The following RNF213 variants were observed in gnomAD, a reference collection of about 807,000 sequenced individuals.
RNF213 encodes ring finger protein 213.
Under a neutral mutation model 514.4 loss-of-function variants are expected in RNF213, and 341 were observed. That is an observed-to-expected ratio of 0.66 (90% confidence interval 0.61 to 0.73). RNF213 has a LOEUF of 0.73. RNF213 is among the 30% of genes least tolerant of loss of function. RNF213 has a pLI of 0.00. For missense variants in RNF213, 5,767 were observed against 6,615.6 expected (o/e 0.87, Z 4.45); for synonymous variants, 2,655 against 2,658.2 (o/e 1.00, Z 0.04).
In RNF213 at chr17:80,294,865, C is replaced by A. The variant is rs200537097; in HGVS notation, c.1617C>A (p.Ser539Arg). The A allele has an allele frequency of 1.2e-4, 192 of 1,614,102 alleles. No individual in the cohort carries two copies. The highest frequency in any genetic ancestry group is 1.6e-4 in the Non-Finnish European group (186 of 1,180,056). Residue 539 changes from serine to arginine, a missense_variant, in exon 9 of 68, where the codon AGC (serine) becomes AGA (arginine). Physicochemically the swap from Ser to Arg is moderately radical, Grantham distance 110. This residue lies in a region of RNF213 where 592 missense variants were observed against 673.9 expected (regional missense o/e 0.88). Transcript: ENST00000582970. ...CGCTCATGCTGGACAGCACCTTCAGCATCCTGCAGACCTGGGACACCATCA... is the reference window on the plus strand; with the variant it reads ...CGCTCATGCTGGACAGCACCTTCAGAATCCTGCAGACCTGGGACACCATCA... ...AAALMLDSTF[S>R]ILQTWDTINL...
chr17:80,312,225 T>A (rs1244407716), intron 14 of RNF213, among the ~76,000 whole-genome samples: 1 of 152,142 alleles, frequency 6.6e-6, no homozygotes, highest in East Asian at 1.9e-4. Context: ...ACCCCTGACC[T>A]GTATGCTTCC....
rs768740459 is a variant in RNF213 at position 80,343,311 on chromosome 17, G to A, written c.6169G>A (p.Asp2057Asn). ...GAAGGTCCCCGTGCTCTTTCACCTG[G>A]ACGTGACCTCCTCAGTAAGTGCCCT... ...YQKVPVLFHL[D>N]VTSSVQTGIW... The change falls in exon 27 of 68, where the codon GAC becomes AAC. Residue 2057 changes from aspartate to asparagine, a missense_variant. Transcript: ENST00000582970. The surrounding 1 kb of genome is among the most constrained non-coding windows in gnomAD (Gnocchi z 4.3). 3.7e-6 allele frequency: 6 copies of A among 1,612,118 alleles called. No homozygotes were observed. The South Asian group carries it at 4.4e-5, about 12-fold the overall frequency.
At chr17:80,314,038 TGATGGTGGA>T (rs1158660135) in intron 15 of RNF213, among the ~76,000 whole-genome samples, 3 of 93,908 alleles carry the variant, frequency 3.2e-5, no homozygotes, top group African/African-American at 1.9e-4. Flanking sequence ...GTGGTGGTGG[TGATGGTGGA>T]GGTGGTGGAG....
chr17:80,263,570 G>A lies in RNF213; in HGVS notation c.-108-4G>A, dbSNP rs544263205. The A allele has an allele frequency of 4.5e-4, 410 of 914,994 alleles. No homozygotes were observed. The highest frequency in any genetic ancestry group is 6.5e-4 in the Non-Finnish European group (358 of 547,950). The allele number at this position is 914,994 out of a possible 1,614,324, so 56.7% of individuals were successfully genotyped here. A position where few individuals can be genotyped will look rare whatever the true frequency, so the allele number is the denominator to read the frequency against. On this transcript the variant is annotated splice_region_variant and splice_polypyrimidine_tract_variant and intron_variant, in intron 1 of 67. Transcript: ENST00000582970. This position sits in a 1 kb window ranked among gnomAD's most constrained non-coding sequence, Gnocchi z 4.9. ...GCTGGGCTGCTGTGATTTCACTTTC[G>A]CAGAAAATGAAACTGAAGCCGTGGT...
intron 11 of RNF213, chr17:80,298,722 T>G: frequency 1.7e-6 from 1 of 585,124 alleles, no homozygotes; most frequent in Non-Finnish European, 3.0e-6. Context: ...CCCAGCACTT[T>G]GGGAGGCTGA....
At chr17:80,326,339 A>G (rs1007607253) in intron 18 of RNF213, among the ~76,000 whole-genome samples, 1 of 152,226 alleles carries the variant, frequency 6.6e-6, no homozygotes, top group Non-Finnish European at 1.5e-5. Flanking sequence ...GTGTACAGAA[A>G]AATTGAGCAG....
intron 10 of RNF213, among the ~76,000 whole-genome samples, chr17:80,297,770 G>C (rs1174813368): frequency 1.4e-5 from 2 of 138,066 alleles, no homozygotes; most frequent in Non-Finnish European, 3.1e-5. Context: ...CTGGGCAACA[G>C]AGTGAGACTC....
intron 42 of RNF213, chr17:80,365,352 T>C (rs944643779): frequency 6.6e-6 from 1 of 152,498 alleles, no homozygotes; most frequent in Admixed American, 6.5e-5. Context: ...TATCAGCTGA[T>C]TTCCCACCCA....
chr17:80,269,384 C>CA (rs1598881890), intron 2 of RNF213, among the ~76,000 whole-genome samples: 1 of 150,444 alleles, frequency 6.6e-6, no homozygotes, highest in East Asian at 2.0e-4. Flanking sequence ...TCTATCTATC[C>CA]ACCTATCCAT....
Position 80,383,117 on chromosome 17 carries a change from G to T in RNF213, c.14070+47G>T, listed in dbSNP as rs368541533. ...CTGGGTTGCTCCTCGGTCCAGAAAG[G>T]AAGGGTCCCGGCGTCTGCTGAATGC... is the stretch of plus-strand genomic sequence containing the variant. On this transcript the variant is annotated intron_variant, in intron 58 of 67. Coordinates refer to ENST00000582970, the MANE Select transcript of RNF213 (RefSeq NM_001256071.3). The T allele has an allele frequency of 2.2e-4, 299 of 1,376,276 alleles. 2 individuals are homozygous for T. In the East Asian group the frequency reaches 5.4e-3, roughly 25 times the overall value. The allele number at this position is 1,376,276 out of a possible 1,614,324, so 85.3% of individuals were successfully genotyped here.
intron 50 of RNF213, 95 bp from the exon 51 acceptor site, chr17:80,375,665 T>C: frequency 1.2e-6 from 1 of 844,910 alleles, no homozygotes; most frequent in Non-Finnish European, 2.0e-6. Flanking sequence ...ATCATGCCAC[T>C]GCACTCCAGC....
intron 36 of RNF213, among the ~76,000 whole-genome samples, chr17:80,357,180 G>A (rs770730576): frequency 3.3e-5 from 5 of 152,078 alleles, no homozygotes; most frequent in Non-Finnish European, 7.4e-5. Context: ...GCCTCCCAAC[G>A]TGCTGGGATT....
At chr17:80,327,704 G>A in intron 18 of RNF213, 112 bp from the exon 19 acceptor site, 1 of 877,888 alleles carries the variant, frequency 1.1e-6, no homozygotes. Context: ...GCCATTGCCT[G>A]TGTTTGAGGA....
intron 3 of RNF213, 152 bp from the exon 4 acceptor site, chr17:80,287,663 C>T (rs1598923969): frequency 2.1e-4 from 89 of 433,046 alleles, no homozygotes; most frequent in South Asian, 4.1e-4. Flanking sequence ...TAATTTCATT[C>T]TTTCCAGGAA....
In RNF213 at chr17:80,328,313, G is replaced by C. The variant is rs371598729; in HGVS notation, c.3368-15G>C. 6.5e-7 allele frequency: 1 copy of C among 1,533,504 alleles called. No homozygotes were observed. The highest frequency in any genetic ancestry group is 1.4e-5 in the African/African-American group (1 of 72,970). 95.0% of individuals were successfully genotyped at this position (1,533,504 alleles called of 1,614,324 possible). ...TGCTGTATTGGGTTACTTTATTGGTGTTCTTATTTTCCAGGGGAAAAAAGT... is the reference window on the plus strand; with the variant it reads ...TGCTGTATTGGGTTACTTTATTGGTCTTCTTATTTTCCAGGGGAAAAAAGT... On this transcript the variant is annotated splice_polypyrimidine_tract_variant and intron_variant, in intron 19 of 67. Transcript: ENST00000582970.
chr17:80,292,238 C>G (rs12453330), intron 8 of RNF213, among the ~76,000 whole-genome samples: 25,473 of 152,074 alleles, frequency 0.17, 3,747 homozygotes, highest in African/African-American at 0.39. Flanking sequence ...GAGCCTGTCA[C>G]CACCCCCAGC....
rs1379176998 is a variant in RNF213, at chr17:80,332,308, G to T, written c.3820G>T (p.Val1274Leu). 5 of 1,537,108 alleles carry T rather than the reference G, an allele frequency of 3.3e-6. No individual in the cohort carries two copies. In the Admixed American group the frequency reaches 5.9e-5, roughly 18 times the overall value. The change falls in exon 21 of 68, where the codon GTG becomes TTG. Residue 1274 changes from valine to leucine, a missense_variant. By Grantham distance (32) the Val-to-Leu change is conservative (BLOSUM62 1). This residue lies in a region of RNF213 where 516 missense variants were observed against 566.5 expected (regional missense o/e 0.91). Coordinates refer to ENST00000582970, the MANE Select transcript of RNF213 (RefSeq NM_001256071.3). ...AAGGCACATCCTTGAGCTTGAAGAG[G>T]TGTATGACTATTTGTATCAGCCTTC... ...SERHILELEE[V>L]YDYLYQPSYR...
chr17:80,333,797 G>T, intron 21 of RNF213: 1 of 337,154 alleles, frequency 3.0e-6, no homozygotes, highest in Non-Finnish European at 5.6e-6. Flanking sequence ...TATTGACAAA[G>T]CAGAAAAAGC....
Position 80,332,042 on chromosome 17 carries a change from A to T in RNF213, c.3554A>T (p.Asp1185Val). 1 of 1,537,094 alleles carries T rather than the reference A, an allele frequency of 6.5e-7. No individual in the cohort carries two copies. Among genetic ancestry groups the T allele is most frequent in the South Asian group, 1.2e-5 (1 of 84,052 alleles). The change falls in exon 21 of 68, where the codon GAC becomes GTC. Residue 1185 changes from aspartate to valine, a missense_variant. By Grantham distance (152) the Asp-to-Val change is radical. Coordinates refer to ENST00000582970, the MANE Select transcript of RNF213 (RefSeq NM_001256071.3). ...GTGCTTGCAGTAAGACACTCACAAGACCTCAGCAGTAAAAGATTAAATGAC... is the reference window on the plus strand; with the variant it reads ...GTGCTTGCAGTAAGACACTCACAAGTCCTCAGCAGTAAAAGATTAAATGAC... ...FGVLAVRHSQ[D>V]LSSKRLNDTV... is the part of the protein sequence containing the mutation.
Sources: gnomAD v4.1 joint callset for allele counts (sites outside exome capture counted in the v4.1 genomes callset) on GRCh38, gnomAD v4.1.1 for gene constraint, gnomAD v4.1.1 regional missense constraint, Gnocchi (gnomAD v3.1) non-coding constraint, MANE v1.5 for transcripts, NCBI Gene and HGNC (gene_info 2026-07-23, HGNC 2026-07-21) for gene names.